DTWD1: variants seen among roughly 807,000 people sequenced by gnomAD.
DTWD1 encodes DTW motif tRNA-uridine aminocarboxypropyltransferase 1, also known as tRNA-uridine aminocarboxypropyltransferase 1.
DTWD1 carries 27 observed loss-of-function variants against 30.2 expected under a neutral mutation model. That is an observed-to-expected ratio of 0.90 (90% CI 0.66 to 1.23). The LOEUF (loss-of-function observed/expected upper bound fraction) is 1.23, where lower values mean the gene tolerates loss of function less well. Among genes scored for constraint, DTWD1 ranks in the 50% most tolerant of loss-of-function variants. The pLI, the probability that DTWD1 is intolerant of heterozygous loss-of-function variation, is 0.00. For missense variants in DTWD1, 342 were observed against 348.8 expected (o/e 0.98, Z 0.15); for synonymous variants, 99 against 113.1 (o/e 0.88, Z 0.79).
At chr15:49,638,568 A>C (rs1039369558) in intron 4 of DTWD1, among the ~76,000 whole-genome samples, 8 of 152,204 alleles carry the variant, frequency 5.3e-5, no homozygotes, top group African/African-American at 1.7e-4. Flanking sequence ...AGTTACTTCC[A>C]TAAGAAACAA....
intron 4 of DTWD1, among the ~76,000 whole-genome samples, chr15:49,636,443 C>T (rs112865660): frequency 0.081 from 12,155 of 150,908 alleles, 1,338 homozygotes; most frequent in African/African-American, 0.25. Flanking sequence ...ATTTCCCTAA[C>T]TGACCCAAAA....
chr15:49,625,285 T>A lies in DTWD1; in HGVS notation c.118T>A (p.Cys40Ser), dbSNP rs758643779. 5.6e-6 allele frequency: 9 copies of A among 1,613,678 alleles called. No homozygotes were observed. The Admixed American group carries it at 1.5e-4, about 27-fold the overall frequency. ...TTCAGAAGATCCCCTTCAAAACTTA[T>A]GTTTAGCATCTCAAGAAGTTCTTCA... ...IASEDPLQNL[C>S]LASQEVLQKA... is the part of the protein sequence containing the mutation. The change falls in exon 2 of 5, where the codon TGT becomes AGT. Residue 40 changes from cysteine to serine, a missense_variant. By Grantham distance (112) the Cys-to-Ser change is moderately radical. Coordinates refer to ENST00000403028, the MANE Select transcript of DTWD1 (RefSeq NM_001144955.2).
intron 2 of DTWD1, among the ~76,000 whole-genome samples, chr15:49,626,182 A>G (rs2078842279): frequency 6.6e-6 from 1 of 152,146 alleles, no homozygotes; most frequent in East Asian, 1.9e-4. Flanking sequence ...AAAAAAGTTT[A>G]TAGACACCCT....
intron 4 of DTWD1, among the ~76,000 whole-genome samples, chr15:49,638,542 A>G (rs1219133854): frequency 2.6e-5 from 4 of 152,198 alleles, no homozygotes; most frequent in Non-Finnish European, 5.9e-5. Flanking sequence ...TGAAATACTG[A>G]TTTCTGAATA....
In DTWD1 at chr15:49,627,875, CTG is replaced by C. The variant is rs1426252734; in HGVS notation, c.264+2446_264+2447del. On this transcript the variant is annotated intron_variant, in intron 2 of 4. Coordinates refer to ENST00000403028, the MANE Select transcript of DTWD1 (RefSeq NM_001144955.2). ...TACACTACTGTAGTTTTTATAAACACTGTATACTTAGGGTACACTACATTTAT... is the reference window on the plus strand; with the variant it reads ...TACACTACTGTAGTTTTTATAAACACTATACTTAGGGTACACTACATTTAT... Among the ~76,000 whole-genome samples the C allele has an allele frequency of 4.6e-5, 7 of 152,060 alleles. No homozygotes were observed. In the East Asian group the frequency reaches 1.3e-3, roughly 29 times the overall value.
rs2079150028 is a variant in DTWD1, at chr15:49,651,163, A to G, written c.*7585A>G. The G allele has an allele frequency of 6.6e-6, 1 of 152,200 alleles. No homozygotes were observed. Among genetic ancestry groups the G allele is most frequent in the Non-Finnish European group, 1.5e-5 (1 of 68,024 alleles). The allele number at this position is 152,200 out of a possible 1,614,324, so 9.4% of individuals were successfully genotyped here. ...AGAGGGCTTCTTTGGTTGCATACAA[A>G]TCTCATCTAGAATTTAATAGTCCAA... On this transcript the variant is annotated 3_prime_UTR_variant, in exon 5 of 5. Coordinates refer to ENST00000403028, the MANE Select transcript of DTWD1 (RefSeq NM_001144955.2).
At chr15:49,624,153 T>C (rs2078807917) in intron 1 of DTWD1, among the ~76,000 whole-genome samples, 3 of 152,250 alleles carry the variant, frequency 2.0e-5, no homozygotes, top group Admixed American at 2.0e-4. Flanking sequence ...CTCTGGACTT[T>C]TTGTTCACTT....
In DTWD1 at chr15:49,648,673, T is replaced by C. The variant is rs1177018835; in HGVS notation, c.*5095T>C. On this transcript the variant is annotated 3_prime_UTR_variant, in exon 5 of 5. Coordinates refer to ENST00000403028, the MANE Select transcript of DTWD1 (RefSeq NM_001144955.2). ...ACAACTATAGTCTTATTTTATATGT[T>C]ATAGTGAATCATATTTATCTCATTA... 1 of 152,208 alleles carries C rather than the reference T, an allele frequency of 6.6e-6. No individual in the cohort carries two copies. Among genetic ancestry groups the C allele is most frequent in the Non-Finnish European group, 1.5e-5 (1 of 68,022 alleles). 9.4% of individuals were successfully genotyped at this position (152,208 alleles called of 1,614,324 possible).
At chr15:49,635,878 CAT>C (rs1374881391) in intron 4 of DTWD1, among the ~76,000 whole-genome samples, 1 of 152,122 alleles carries the variant, frequency 6.6e-6, no homozygotes, top group Non-Finnish European at 1.5e-5. Flanking sequence ...AAAGTTTTCT[CAT>C]ATGTGTACAG....
Position 49,652,110 on chromosome 15 carries a change from C to T in DTWD1, c.*8532C>T, listed in dbSNP as rs140881397. Reference sequence around the variant, plus strand: ...AAAGAGAGTAGAAGAAGAGGTGCCTCCCCTCCGTGCCATCACTTTTAATGA... The same window carrying T: ...AAAGAGAGTAGAAGAAGAGGTGCCTTCCCTCCGTGCCATCACTTTTAATGA... On this transcript the variant is annotated 3_prime_UTR_variant, in exon 5 of 5. Transcript: ENST00000403028. 1 of 152,148 alleles carries T rather than the reference C, an allele frequency of 6.6e-6. No homozygotes were observed. Among genetic ancestry groups the T allele is most frequent in the Non-Finnish European group, 1.5e-5 (1 of 67,986 alleles). 9.4% of individuals were successfully genotyped at this position (152,148 alleles called of 1,614,324 possible).
intron 4 of DTWD1, among the ~76,000 whole-genome samples, chr15:49,641,795 G>A (rs187069974): frequency 1.3e-5 from 2 of 152,060 alleles, no homozygotes. Flanking sequence ...TTGGTCTTTG[G>A]TCATTCTAAT....
chr15:49,634,614 A>G lies in DTWD1; in HGVS notation c.487A>G (p.Asn163Asp). Residue 163 changes from asparagine to aspartate, a missense_variant, in exon 4 of 5, where the codon AAT (asparagine) becomes GAT (aspartate). Physicochemically the swap from Asn to Asp is conservative, Grantham distance 23 (BLOSUM62 1). Coordinates refer to ENST00000403028, the MANE Select transcript of DTWD1 (RefSeq NM_001144955.2). Reference sequence around the variant, plus strand: ...TCATCTGCAAAAAAGGATTCAAAATAATGTTAGAGGCAAAAATGATGACCC... The same window carrying G: ...TCATCTGCAAAAAAGGATTCAAAATGATGTTAGAGGCAAAAATGATGACCC... Reference protein sequence around the residue: ...SFHLQKRIQNNVRGKNDDPDK... With the variant: ...SFHLQKRIQNDVRGKNDDPDK... 1 of 1,613,894 alleles carries G rather than the reference A, an allele frequency of 6.2e-7. No homozygotes were observed. Among genetic ancestry groups the G allele is most frequent in the Non-Finnish European group, 8.5e-7 (1 of 1,179,904 alleles).
intron 4 of DTWD1, among the ~76,000 whole-genome samples, chr15:49,642,418 G>C (rs1483754181): frequency 6.6e-6 from 1 of 152,064 alleles, no homozygotes. Context: ...CAAGAGCAAG[G>C]CATTCTACCT....
chr15:49,639,650 C>T (rs539480749), intron 4 of DTWD1, among the ~76,000 whole-genome samples: 1 of 152,208 alleles, frequency 6.6e-6, no homozygotes, highest in East Asian at 1.9e-4. Flanking sequence ...ATTTTGCATT[C>T]AAGAAACTGA....
intron 2 of DTWD1, among the ~76,000 whole-genome samples, chr15:49,627,297 GTAA>G (rs1328319327): frequency 1.3e-5 from 2 of 152,012 alleles, no homozygotes; most frequent in Non-Finnish European, 2.9e-5. Context: ...TACATTAATG[GTAA>G]TAACAGCTCT....
chr15:49,648,242 T>G lies in DTWD1; in HGVS notation c.*4664T>G, dbSNP rs1350509120. The G allele has an allele frequency of 6.6e-6, 1 of 152,208 alleles. No individual in the cohort carries two copies. The highest frequency in any genetic ancestry group is 1.5e-5 in the Non-Finnish European group (1 of 68,034). The allele number at this position is 152,208 out of a possible 1,614,324, so 9.4% of individuals were successfully genotyped here. ...GCTCTATATACACTGCATATCATCA[T>G]CATGACATTGAGTTTCTAGCTGGAT... On this transcript the variant is annotated 3_prime_UTR_variant, in exon 5 of 5. Transcript: ENST00000403028.
chr15:49,635,235 A>G (rs2078985982), intron 4 of DTWD1, among the ~76,000 whole-genome samples: 1 of 151,974 alleles, frequency 6.6e-6, no homozygotes, highest in Non-Finnish European at 1.5e-5. Flanking sequence ...GGGATTCATC[A>G]TGTTGGCCAG....
rs2079113029 is a variant in DTWD1 at position 49,645,655 on chromosome 15, C to T, written c.*2077C>T. 1 of 151,304 alleles carries T rather than the reference C, an allele frequency of 6.6e-6. No homozygotes were observed. Among genetic ancestry groups the T allele is most frequent in the Non-Finnish European group, 1.5e-5 (1 of 67,866 alleles). The allele number at this position is 151,304 out of a possible 1,614,324, so 9.4% of individuals were successfully genotyped here. A position where few individuals can be genotyped will look rare whatever the true frequency, so the allele number is the denominator to read the frequency against. On this transcript the variant is annotated 3_prime_UTR_variant, in exon 5 of 5. Coordinates refer to ENST00000403028, the MANE Select transcript of DTWD1 (RefSeq NM_001144955.2). The stretch of plus-strand genomic sequence containing the variant: ...GGCTTTACAAACCAACTAAACATAA[C>T]AGTTCAGAGGGAAAAGAAAAAAAAA...
intron 4 of DTWD1, among the ~76,000 whole-genome samples, chr15:49,643,042 A>G (rs2079083471): frequency 6.6e-6 from 1 of 152,164 alleles, no homozygotes; most frequent in African/African-American, 2.4e-5. Context: ...ATTGGAAGAC[A>G]TGAATATCTT....
Sources: allele counts gnomAD v4.1 joint callset (sites outside exome capture counted in the v4.1 genomes callset), GRCh38; gene constraint gnomAD v4.1.1; transcripts MANE v1.5; gene names NCBI Gene and HGNC (gene_info 2026-07-23, HGNC 2026-07-21).